The following IGF1 variants were observed in gnomAD, a reference collection of about 807,000 sequenced individuals.
The protein encoded by IGF1 is insulin like growth factor 1.
Under a neutral mutation model 13.8 loss-of-function variants are expected in IGF1, and 4 were observed. The observed-to-expected ratio is 0.29, with a 90% CI of 0.14 to 0.66. IGF1 has a LOEUF of 0.66. IGF1 is among the 30% of genes least tolerant of loss of function. The probability of loss-of-function intolerance (pLI) is 0.78; values close to 1 mark genes in which losing one functional copy is unlikely to be tolerated. For synonymous variants in IGF1, 76 were observed against 72.6 expected, an observed-to-expected ratio of 1.05 and a Z score of -0.23; for missense variants, 124 against 188.5, an observed-to-expected ratio of 0.66 and a Z score of 2.00.
chr12:102,428,775 A>G (rs1352459240), intron 2 of IGF1, among the ~76,000 whole-genome samples: 1 of 152,198 alleles, frequency 6.6e-6, no homozygotes, highest in Non-Finnish European at 1.5e-5. Context: ...AGTGTTTAAC[A>G]TAGGCCAATG....
At chr12:102,403,072 T>C (rs1360283482) in intron 3 of IGF1, among the ~76,000 whole-genome samples, 6 of 152,218 alleles carry the variant, frequency 3.9e-5, no homozygotes, top group Non-Finnish European at 8.8e-5. Context: ...TTAGGAAATC[T>C]TATAATTAAT....
intron 2 of IGF1, among the ~76,000 whole-genome samples, chr12:102,431,201 C>T (rs1318179568): frequency 6.6e-6 from 1 of 152,210 alleles, no homozygotes; most frequent in African/African-American, 2.4e-5. Flanking sequence ...TAGTTAAGTT[C>T]TCTAACGTGA....
At chr12:102,413,165 G>A (rs1414677720) in intron 3 of IGF1, among the ~76,000 whole-genome samples, 3 of 152,176 alleles carry the variant, frequency 2.0e-5, no homozygotes, top group Non-Finnish European at 2.9e-5. Context: ...CTCATAAAAA[G>A]GGATTTGGAT....
chr12:102,460,412 C>G (rs757595684), intron 2 of IGF1, among the ~76,000 whole-genome samples: 15 of 152,286 alleles, frequency 9.8e-5, no homozygotes, highest in Admixed American at 5.2e-4. Context: ...CCATCTGACT[C>G]AAGCCTGCAG....
intron 1 of IGF1, chr12:102,478,672 T>A (rs1245829485): frequency 7.3e-7 from 1 of 1,368,478 alleles, no homozygotes; most frequent in East Asian, 2.7e-5. Flanking sequence ...CTGGGTAAAC[T>A]GCCTTTTGTC....
rs906377485 is a variant in IGF1 at position 102,396,874 on chromosome 12, G to A, written c.*5633C>T. 4 of 397,930 alleles carry A rather than the reference G, an allele frequency of 1.0e-5. No individual in the cohort carries two copies. Among genetic ancestry groups the A allele is most frequent in the Non-Finnish European group, 1.8e-5 (4 of 225,924 alleles). 24.6% of individuals were successfully genotyped at this position (397,930 alleles called of 1,614,324 possible). ...GATAGTTGAAGAATGAGGAGAGAAG[G>A]ATCATGTTTAAGATCCATGTAATCA... On this transcript the variant is annotated 3_prime_UTR_variant, in exon 4 of 4. Coordinates refer to ENST00000337514, the MANE Select transcript of IGF1 (RefSeq NM_000618.5).
At chr12:102,405,630 C>T (rs1392834960) in intron 3 of IGF1, among the ~76,000 whole-genome samples, 1 of 152,128 alleles carries the variant, frequency 6.6e-6, no homozygotes, top group Non-Finnish European at 1.5e-5. Context: ...TGAATTTTAC[C>T]TTTTGTTTTT....
chr12:102,422,029 A>C (rs545627162), intron 2 of IGF1, among the ~76,000 whole-genome samples: 1 of 152,260 alleles, frequency 6.6e-6, no homozygotes, highest in East Asian at 1.9e-4. Context: ...CAGCAAAAAA[A>C]ATAACAGGAA....
At chr12:102,444,547 A>G (rs1459288521) in intron 2 of IGF1, among the ~76,000 whole-genome samples, 2 of 152,110 alleles carry the variant, frequency 1.3e-5, no homozygotes, top group African/African-American at 2.4e-5. Context: ...ACTGTCTACT[A>G]TGTGCCAGGA....
intron 3 of IGF1, among the ~76,000 whole-genome samples, chr12:102,404,750 GT>G (rs1389959562): frequency 4.4e-5 from 5 of 114,812 alleles, no homozygotes; most frequent in South Asian, 3.2e-4. Flanking sequence ...CTTGTGTTTT[GT>G]TTTTTTTTGT....
chr12:102,421,783 G>A (rs1336267131), intron 2 of IGF1, among the ~76,000 whole-genome samples: 1 of 152,128 alleles, frequency 6.6e-6, no homozygotes, highest in Admixed American at 6.5e-5. Flanking sequence ...GGCAGGCTTT[G>A]GGATTCCAGG....
rs1033255335 is a variant in IGF1 at position 102,448,125 on chromosome 12, G to T, written c.220+27518C>A. Among the ~76,000 whole-genome samples the T allele has an allele frequency of 1.2e-4, 18 of 149,822 alleles. 1 individual carries two copies. In the South Asian group the frequency reaches 1.3e-3, roughly 11 times the overall value. ...AACTAGTCAACCATTGTGGAAGTCAGTGTGGCGATTCCTCAGGGATCTAGA... is the reference window on the plus strand; with the variant it reads ...AACTAGTCAACCATTGTGGAAGTCATTGTGGCGATTCCTCAGGGATCTAGA... On this transcript the variant is annotated intron_variant, in intron 2 of 3. Coordinates refer to ENST00000337514, the MANE Select transcript of IGF1 (RefSeq NM_000618.5).
intron 2 of IGF1, among the ~76,000 whole-genome samples, chr12:102,453,503 A>C (rs548430739): frequency 6.6e-6 from 1 of 152,338 alleles, no homozygotes; most frequent in East Asian, 1.9e-4. Context: ...TATGATGCCA[A>C]TTCTTGTCTG....
intron 3 of IGF1, among the ~76,000 whole-genome samples, chr12:102,408,308 A>G (rs1053832968): frequency 4.6e-5 from 7 of 152,186 alleles, no homozygotes; most frequent in Non-Finnish European, 8.8e-5. Context: ...TCTCAGTATC[A>G]ACTTTGATAT....
intron 2 of IGF1, among the ~76,000 whole-genome samples, chr12:102,460,683 A>G (rs1158524025): frequency 1.3e-5 from 2 of 152,262 alleles, no homozygotes; most frequent in Non-Finnish European, 2.9e-5. Flanking sequence ...TTTCATGAAC[A>G]GCAGTAAACA....
chr12:102,402,004 T>C lies in IGF1; in HGVS notation c.*503A>G, dbSNP rs1396528472. 6.5e-6 allele frequency: 1 copy of C among 152,780 alleles called. No individual in the cohort carries two copies. Among genetic ancestry groups the C allele is most frequent in the Non-Finnish European group, 1.5e-5 (1 of 68,274 alleles). 9.5% of individuals were successfully genotyped at this position (152,780 alleles called of 1,614,324 possible). A position where few individuals can be genotyped will look rare whatever the true frequency, so the allele number is the denominator to read the frequency against. ...GGCCAAATTCGGCAAATATAAAGGTTATGAAGGGAGGTGGTGGGTATAGAC... is the reference window on the plus strand; with the variant it reads ...GGCCAAATTCGGCAAATATAAAGGTCATGAAGGGAGGTGGTGGGTATAGAC... On this transcript the variant is annotated 3_prime_UTR_variant, in exon 4 of 4. Transcript: ENST00000337514.
intron 2 of IGF1, among the ~76,000 whole-genome samples, chr12:102,445,121 G>A (rs17882108): frequency 0.027 from 4,183 of 152,124 alleles, 94 homozygotes; most frequent in African/African-American, 0.042. Flanking sequence ...CCAGTACCAT[G>A]CTGTTTTGGT....
At chr12:102,426,349 G>A (rs1164308665) in intron 2 of IGF1, among the ~76,000 whole-genome samples, 1 of 152,204 alleles carries the variant, frequency 6.6e-6, no homozygotes, top group Non-Finnish European at 1.5e-5. Flanking sequence ...TTTGCACAAT[G>A]GCTGGTATAT....
intron 2 of IGF1, 119 bp downstream of exon 2, chr12:102,475,524 C>T: frequency 8.4e-7 from 1 of 1,188,314 alleles, no homozygotes; most frequent in Non-Finnish European, 1.2e-6. Context: ...TCTCAGAGGC[C>T]TAGGATGGCT....
Sources: allele counts gnomAD v4.1 joint callset (sites outside exome capture counted in the v4.1 genomes callset), GRCh38; gene constraint gnomAD v4.1.1; transcripts MANE v1.5; gene names NCBI Gene and HGNC (gene_info 2026-07-23, HGNC 2026-07-21).